The following MAN2A1 variants were observed in gnomAD, a reference collection of about 807,000 sequenced individuals.
The protein encoded by MAN2A1 is alpha-mannosidase 2.
In MAN2A1, 76 loss-of-function variants were observed where a neutral mutation model predicts 142.6. The observed-to-expected ratio is 0.53, with a 90% CI of 0.44 to 0.65. The LOEUF (loss-of-function observed/expected upper bound fraction) is 0.65, where lower values mean the gene tolerates loss of function less well. MAN2A1 is among the 30% of genes least tolerant of loss of function. The pLI, the probability that MAN2A1 is intolerant of heterozygous loss-of-function variation, is 0.00. For synonymous variants in MAN2A1, 559 were observed against 473.2 expected, an observed-to-expected ratio of 1.18 and a Z score of -2.35; for missense variants, 1,311 against 1,365.1, an observed-to-expected ratio of 0.96 and a Z score of 0.62.
intron 3 of MAN2A1, among the ~76,000 whole-genome samples, chr5:109,727,391 A>G (rs186159514): frequency 7.2e-5 from 11 of 152,164 alleles, no homozygotes; most frequent in Non-Finnish European, 1.0e-4. Flanking sequence ...AAGTACATCA[A>G]TAGTCATGTA....
intron 12 of MAN2A1, among the ~76,000 whole-genome samples, chr5:109,792,259 A>G (rs1207116668): frequency 3.3e-5 from 5 of 152,108 alleles, no homozygotes; most frequent in East Asian, 1.9e-4. Context: ...AAATCCCAGA[A>G]CCTACTTTGA....
chr5:109,807,206 C>G (rs1293422998), intron 12 of MAN2A1, among the ~76,000 whole-genome samples: 4 of 152,098 alleles, frequency 2.6e-5, no homozygotes, highest in African/African-American at 4.8e-5. Context: ...ACCCCAAGCT[C>G]TTCTTGCTTG....
chr5:109,763,596 G>A (rs1041820220), intron 5 of MAN2A1, among the ~76,000 whole-genome samples: 1 of 151,662 alleles, frequency 6.6e-6, no homozygotes, highest in African/African-American at 2.4e-5. Flanking sequence ...GTATACATGT[G>A]CCATGCTGGT....
intron 4 of MAN2A1, 69 bp downstream of exon 4, chr5:109,729,582 AT>A: frequency 1.3e-6 from 1 of 759,030 alleles, no homozygotes; most frequent in Non-Finnish European, 2.0e-6. Flanking sequence ...TAAGTATTGA[AT>A]TTTTAGATGG....
At chr5:109,795,792 T>TA (rs1386155243) in intron 12 of MAN2A1, among the ~76,000 whole-genome samples, 2 of 152,332 alleles carry the variant, frequency 1.3e-5, no homozygotes, top group African/African-American at 4.8e-5. Context: ...TTGAGGCTAT[T>TA]AGGAAGTTAG....
At chr5:109,735,878 G>GTT (rs35796131) in intron 4 of MAN2A1, among the ~76,000 whole-genome samples, 48,490 of 98,274 alleles carry the variant, frequency 0.49, 11,612 homozygotes, top group East Asian at 0.77. Flanking sequence ...TTCCATTGGA[G>GTT]TTTTTTTTTT....
At chr5:109,839,165 A>G (rs112721494) in intron 16 of MAN2A1, among the ~76,000 whole-genome samples, 4 of 152,338 alleles carry the variant, frequency 2.6e-5, no homozygotes, top group African/African-American at 7.2e-5. Context: ...CGTGAATACT[A>G]TCATGCTTGG....
chr5:109,820,332 G>A lies in MAN2A1; in HGVS notation c.2441G>A (p.Gly814Asp). The A allele has an allele frequency of 2.5e-6, 4 of 1,612,312 alleles. No homozygotes were observed. Among genetic ancestry groups the A allele is most frequent in the South Asian group, 1.1e-5 (1 of 90,688 alleles). ...KSGAYLFLPD[G>D]NAKPYVYTTP... is the part of the protein sequence containing the mutation. ...GGTGCCTACCTCTTCTTACCTGATG[G>A]TAATGCCAAGGTAAGTGGTACTGAT... Residue 814 changes from glycine to aspartate, a missense_variant, in exon 15 of 22, where the codon GGT becomes GAT. Gly to Asp is a moderately conservative substitution (Grantham distance 94). This residue lies in a region of MAN2A1 where 890 missense variants were observed against 920.5 expected (regional missense o/e 0.97). Transcript: ENST00000261483.
intron 19 of MAN2A1, among the ~76,000 whole-genome samples, chr5:109,850,545 C>A (rs979142693): frequency 6.6e-6 from 1 of 152,222 alleles, no homozygotes; most frequent in African/African-American, 2.4e-5. Context: ...AAATCAATCA[C>A]TGACAAGATA....
intron 4 of MAN2A1, among the ~76,000 whole-genome samples, chr5:109,747,863 A>G (rs1752447192): frequency 6.6e-6 from 1 of 152,166 alleles, no homozygotes; most frequent in Non-Finnish European, 1.5e-5. Context: ...ATACTACTGT[A>G]CCATTTTACA....
At chr5:109,763,814 T>A (rs970511676) in intron 5 of MAN2A1, among the ~76,000 whole-genome samples, 10 of 152,092 alleles carry the variant, frequency 6.6e-5, no homozygotes, top group South Asian at 2.1e-4. Flanking sequence ...CTTTTTTTTT[T>A]TTTTTGAGAC....
rs764565190 is a variant in MAN2A1, at chr5:109,784,827, C to T, written c.1661C>T (p.Thr554Met). 8.7e-6 allele frequency: 14 copies of T among 1,612,278 alleles called. No homozygotes were observed. The highest frequency in any genetic ancestry group is 1.3e-5 in the African/African-American group (1 of 74,806). Residue 554 changes from threonine to methionine, a missense_variant, in exon 10 of 22, where the codon ACG becomes ATG. Transcript: ENST00000261483. ...AAATTTCTCTCATCATCACTTTACA[C>T]GGCACTGACAGAAGCCAGAAGGAAT... The part of the protein sequence containing the change: ...INKFLSSSLY[T>M]ALTEARRNLG...
At chr5:109,723,572 C>T (rs1388491550) in intron 3 of MAN2A1, among the ~76,000 whole-genome samples, 1 of 152,146 alleles carries the variant, frequency 6.6e-6, no homozygotes, top group African/African-American at 2.4e-5. Flanking sequence ...TTCTCTGCTT[C>T]TACTTTGCCT....
chr5:109,788,866 T>G (rs1468111016), intron 10 of MAN2A1, 68 bp from the exon 11 acceptor site: 1 of 740,950 alleles, frequency 1.3e-6, no homozygotes, highest in South Asian at 1.7e-5. Context: ...CTATTAGTAA[T>G]GAAACTGAAA....
At chr5:109,739,155 G>C (rs1752195093) in intron 4 of MAN2A1, among the ~76,000 whole-genome samples, 1 of 152,026 alleles carries the variant, frequency 6.6e-6, no homozygotes, top group Non-Finnish European at 1.5e-5. Flanking sequence ...ATAATGGGAA[G>C]ATTTTAACTG....
intron 7 of MAN2A1, among the ~76,000 whole-genome samples, chr5:109,771,948 A>G (rs545011004): frequency 6.6e-6 from 1 of 152,260 alleles, no homozygotes; most frequent in East Asian, 1.9e-4. Flanking sequence ...AGGCTTTTTT[A>G]TAATCCTTTT....
intron 5 of MAN2A1, among the ~76,000 whole-genome samples, chr5:109,762,515 A>G (rs540611463): frequency 6.6e-6 from 1 of 152,214 alleles, no homozygotes; most frequent in East Asian, 1.9e-4. Flanking sequence ...ATACCCATCC[A>G]TCTCACTCAT....
At chr5:109,835,161 A>G (rs1755025660) in intron 16 of MAN2A1, among the ~76,000 whole-genome samples, 1 of 152,242 alleles carries the variant, frequency 6.6e-6, no homozygotes. Context: ...AAACATCACT[A>G]AAGTAAGTGC....
rs150712712 is a variant in MAN2A1 at position 109,861,565 on chromosome 5, C to T, written c.3172-3471C>T. Among the ~76,000 whole-genome samples, 43 of 152,278 alleles carry T rather than the reference C, an allele frequency of 2.8e-4. No individual in the cohort carries two copies. The East Asian group carries it at 6.2e-3, about 22-fold the overall frequency. ...CATTGTGCCAAGTGCTTTACATGAACTTTATTTAAAGCTCTCACAACAACC... is the reference window on the plus strand; with the variant it reads ...CATTGTGCCAAGTGCTTTACATGAATTTTATTTAAAGCTCTCACAACAACC... On this transcript the variant is annotated intron_variant, in intron 20 of 21. Transcript: ENST00000261483.
Sources: allele counts gnomAD v4.1 joint callset (sites outside exome capture counted in the v4.1 genomes callset), GRCh38; gene constraint gnomAD v4.1.1; regional missense constraint gnomAD v4.1.1; transcripts MANE v1.5; gene names NCBI Gene and HGNC (gene_info 2026-07-23, HGNC 2026-07-21).